The following SOX6 variants were observed in gnomAD, a reference collection of about 807,000 sequenced individuals.
SOX6 encodes the protein SRY-box transcription factor 6.
SOX6 carries 11 observed loss-of-function variants against 97.8 expected under a neutral mutation model. The ratio of observed to expected loss-of-function variants is 0.11; its 90% CI spans 0.07 to 0.19. SOX6 has a LOEUF of 0.19. SOX6 is among the 10% of genes least tolerant of loss of function. SOX6 has a pLI of 1.00. For synonymous variants in SOX6, 360 were observed against 371.4 expected (o/e 0.97, Z 0.35); for missense variants, 810 against 1,039.5 (o/e 0.78, Z 3.04).
intron 4 of SOX6, among the ~76,000 whole-genome samples, chr11:16,220,574 A>G (rs1852507320): frequency 6.6e-6 from 1 of 152,076 alleles, no homozygotes; most frequent in Non-Finnish European, 1.5e-5. Context: ...TACATGTTTA[A>G]TCGTTTCCCA....
intron 1 of SOX6, among the ~76,000 whole-genome samples, chr11:16,378,447 TG>T (rs1857707427): frequency 6.6e-6 from 1 of 152,038 alleles, no homozygotes; most frequent in Non-Finnish European, 1.5e-5. Flanking sequence ...ACATAAAATA[TG>T]AATAATTAAA....
chr11:16,660,901 A>G (rs1847761318), intron 3 of SOX6, among the ~76,000 whole-genome samples: 1 of 152,188 alleles, frequency 6.6e-6, no homozygotes, highest in African/African-American at 2.4e-5. Flanking sequence ...TTTAAAAGTC[A>G]CCCAGTTTTT....
chr11:16,604,757 AG>A (rs1324674229), intron 4 of SOX6, among the ~76,000 whole-genome samples: 3 of 152,240 alleles, frequency 2.0e-5, no homozygotes, highest in Non-Finnish European at 4.4e-5. Context: ...GTCCCCAAAT[AG>A]GGGCTGCATT....
chr11:16,671,283 T>C (rs1014489542), intron 3 of SOX6, among the ~76,000 whole-genome samples: 2 of 152,122 alleles, frequency 1.3e-5, no homozygotes, highest in African/African-American at 4.8e-5. Context: ...CAACAAAAGT[T>C]CTTAACCAGG....
chr11:16,124,933 G>C (rs1261104239), intron 6 of SOX6, among the ~76,000 whole-genome samples: 7 of 152,020 alleles, frequency 4.6e-5, no homozygotes. Context: ...CACCTCAGTA[G>C]ACCCAAAATG....
intron 9 of SOX6, among the ~76,000 whole-genome samples, chr11:16,060,987 A>G (rs566757652): frequency 6.6e-6 from 1 of 151,972 alleles, no homozygotes; most frequent in African/African-American, 2.4e-5. Context: ...AACATACTAT[A>G]CAAAATCATT....
rs60907927 is a variant in SOX6 at position 15,969,073 on chromosome 11, A to ATTTTTTTTTTTTTTTT, written c.*3720_*3735dup. 1.1e-5 allele frequency: 1 copy of ATTTTTTTTTTTTTTTT among 90,620 alleles called. No individual in the cohort carries two copies. Among genetic ancestry groups the ATTTTTTTTTTTTTTTT allele is most frequent in the Non-Finnish European group, 2.5e-5 (1 of 40,074 alleles). The allele number at this position is 90,620 out of a possible 1,614,324, so 5.6% of individuals were successfully genotyped here. A position where few individuals can be genotyped will look rare whatever the true frequency, so the allele number is the denominator to read the frequency against. ...CCTTTTCCTTCCATTCCATATGGCT[A>ATTTTTTTTTTTTTTTT]TTTTTTTTTTTTTTTTTTTTTGGGA... On this transcript the variant is annotated 3_prime_UTR_variant, in exon 16 of 16. Coordinates refer to ENST00000683767, the MANE Select transcript of SOX6 (RefSeq NM_001367873.1).
At chr11:16,619,590 T>C (rs1454408052) in intron 3 of SOX6, among the ~76,000 whole-genome samples, 1 of 152,100 alleles carries the variant, frequency 6.6e-6, no homozygotes, top group Non-Finnish European at 1.5e-5. Flanking sequence ...CTAAATTTAC[T>C]TCTGATACTT....
chr11:16,350,665 G>A (rs973537376), intron 1 of SOX6, among the ~76,000 whole-genome samples: 1 of 152,150 alleles, frequency 6.6e-6, no homozygotes, highest in African/African-American at 2.4e-5. Flanking sequence ...GAAACTTCTT[G>A]TCAGAGAACA....
At chr11:16,540,107 A>G (rs986258631) in intron 4 of SOX6, among the ~76,000 whole-genome samples, 1 of 152,190 alleles carries the variant, frequency 6.6e-6, no homozygotes, top group Admixed American at 6.5e-5. Context: ...CAGCACATGA[A>G]AAAGCTTATC....
chr11:16,482,350 T>C (rs1426593150), intron 4 of SOX6, among the ~76,000 whole-genome samples: 2 of 152,228 alleles, frequency 1.3e-5, no homozygotes, highest in African/African-American at 4.8e-5. Context: ...TTAGTTCATT[T>C]AAGAAACATT....
At chr11:16,075,667 C>T (rs1848336302) in intron 9 of SOX6, among the ~76,000 whole-genome samples, 1 of 151,820 alleles carries the variant, frequency 6.6e-6, no homozygotes, top group Non-Finnish European at 1.5e-5. Flanking sequence ...GGAGTGGGGG[C>T]TGGGGGAGGG....
chr11:16,730,790 A>C (rs1202571849), intron 2 of SOX6, among the ~76,000 whole-genome samples: 1 of 152,218 alleles, frequency 6.6e-6, no homozygotes, highest in African/African-American at 2.4e-5. Flanking sequence ...CCCTTCAAAA[A>C]AATTCAATAA....
chr11:16,297,778 A>T (rs1214088478), intron 3 of SOX6, among the ~76,000 whole-genome samples: 1 of 152,176 alleles, frequency 6.6e-6, no homozygotes. Flanking sequence ...ACTCAACATT[A>T]TTAAAAGGGG....
chr11:16,179,461 G>T (rs1851288367), intron 6 of SOX6, among the ~76,000 whole-genome samples: 1 of 151,804 alleles, frequency 6.6e-6, no homozygotes, highest in South Asian at 2.1e-4. Context: ...ATGAACACTG[G>T]TTTGGGTAAA....
intron 15 of SOX6, among the ~76,000 whole-genome samples, chr11:15,979,128 G>C (rs1015055989): frequency 5.5e-5 from 8 of 146,686 alleles, no homozygotes; most frequent in African/African-American, 2.0e-4. Context: ...AGAACTTAAA[G>C]TCCTGATCAT....
At chr11:16,594,167 A>T (rs1848184424) in intron 4 of SOX6, among the ~76,000 whole-genome samples, 3 of 152,154 alleles carry the variant, frequency 2.0e-5, no homozygotes, top group Admixed American at 1.3e-4. Context: ...TGAGTCTCTA[A>T]GTTCACTAGT....
At chr11:16,062,061 AG>A (rs1847970316) in intron 9 of SOX6, among the ~76,000 whole-genome samples, 1 of 151,802 alleles carries the variant, frequency 6.6e-6, no homozygotes, top group South Asian at 2.1e-4. Context: ...TAAACTAAAA[AG>A]CTTCTGCACA....
At chr11:15,999,276 A>G (rs923401833) in intron 13 of SOX6, among the ~76,000 whole-genome samples, 1 of 152,154 alleles carries the variant, frequency 6.6e-6, no homozygotes, top group Admixed American at 6.5e-5. Context: ...TAACTCTAAT[A>G]TACTGGTAGT....
Sources: allele counts gnomAD v4.1 joint callset (sites outside exome capture counted in the v4.1 genomes callset), GRCh38; gene constraint gnomAD v4.1.1; transcripts MANE v1.5; gene names NCBI Gene and HGNC (gene_info 2026-07-23, HGNC 2026-07-21).